The following BICDL1 variants were observed in gnomAD, a reference collection of about 807,000 sequenced individuals.
BICDL1 encodes the protein BICD family-like cargo adapter 1.
Under a neutral mutation model 76.8 loss-of-function variants are expected in BICDL1, and 20 were observed. The observed-to-expected ratio is 0.26, with a 90% confidence interval of 0.18 to 0.38. The LOEUF (loss-of-function observed/expected upper bound fraction) is 0.38. Ranked by LOEUF, BICDL1 falls within the 10% of genes least tolerant of loss-of-function variation. The probability of loss-of-function intolerance (pLI) is 1.00; values close to 1 mark genes in which losing one functional copy is unlikely to be tolerated. For synonymous variants in BICDL1, 383 were observed against 337.1 expected (o/e 1.14, Z -1.49); for missense variants, 700 against 798.6 (o/e 0.88, Z 1.49).
chr12:120,036,535 G>C (rs1242381665), intron 2 of BICDL1, among the ~76,000 whole-genome samples: 1 of 152,124 alleles, frequency 6.6e-6, no homozygotes, highest in East Asian at 1.9e-4. Flanking sequence ...TGTTCTTTTG[G>C]GTTTAGGTAG....
intron 2 of BICDL1, among the ~76,000 whole-genome samples, chr12:120,026,784 CTT>C (rs1260757846): frequency 6.6e-6 from 1 of 152,128 alleles, no homozygotes; most frequent in Non-Finnish European, 1.5e-5. Flanking sequence ...TTTTTGCTCT[CTT>C]TACTGCCTCT....
chr12:120,007,253 C>T (rs559714308), intron 2 of BICDL1, among the ~76,000 whole-genome samples: 2 of 152,204 alleles, frequency 1.3e-5, no homozygotes, highest in East Asian at 3.9e-4. Flanking sequence ...TTGAGATGCC[C>T]TTTACATATC....
rs185021900 is a variant in BICDL1, at chr12:119,993,573, C to G, written c.429+3276C>G. On this transcript the variant is annotated intron_variant, in intron 1 of 9. Coordinates refer to ENST00000548673, the MANE Select transcript of BICDL1 (RefSeq NM_001367886.1). ...CATTTTTTCCGCTCTTGAATTGACT[C>G]TGTATTTTGTTACTCATTCACTGAA... Among the ~76,000 whole-genome samples the G allele has an allele frequency of 2.7e-5, 4 of 150,436 alleles. No individual in the cohort carries two copies. In the East Asian group the frequency reaches 7.8e-4, roughly 29 times the overall value.
intron 9 of BICDL1, 34 bp downstream of exon 9, chr12:120,090,105 G>C (rs529666062): frequency 1.2e-6 from 2 of 1,609,446 alleles, no homozygotes; most frequent in Non-Finnish European, 1.7e-6. Context: ...GGCGAGAGGA[G>C]ACTCCAGGAG....
intron 2 of BICDL1, among the ~76,000 whole-genome samples, chr12:120,025,467 C>T (rs1952279240): frequency 1.3e-5 from 2 of 152,146 alleles, no homozygotes; most frequent in South Asian, 4.1e-4. Flanking sequence ...ATGGAGCCTG[C>T]CCCAGAACAT....
chr12:120,087,702 G>A (rs1687978654), intron 8 of BICDL1, among the ~76,000 whole-genome samples: 1 of 152,164 alleles, frequency 6.6e-6, no homozygotes, highest in African/African-American at 2.4e-5. Context: ...CTCTGCAGAG[G>A]TCCTTCCACC....
chr12:120,088,790 G>A (rs1291525327), intron 8 of BICDL1, among the ~76,000 whole-genome samples: 1 of 151,726 alleles, frequency 6.6e-6, no homozygotes, highest in Admixed American at 6.6e-5. Context: ...CCTCAGCCTC[G>A]CCAGTAGCTG....
intron 4 of BICDL1, among the ~76,000 whole-genome samples, chr12:120,066,334 A>G (rs189636734): frequency 6.6e-6 from 1 of 152,318 alleles, no homozygotes; most frequent in Non-Finnish European, 1.5e-5. Context: ...GACATACAGT[A>G]TGGGAGGAGA....
chr12:120,053,424 GC>G lies in BICDL1; in HGVS notation c.646-8283del, dbSNP rs370338176. Among the ~76,000 whole-genome samples the G allele has an allele frequency of 6.6e-3, 1,006 of 152,292 alleles. 10 individuals are homozygous for G. Among genetic ancestry groups the G allele is most frequent in the Non-Finnish European group, 9.0e-3 (611 of 67,996 alleles). The stretch of plus-strand genomic sequence containing the variant: ...TACATTTATCCTGTAAGGGAGAAGA[GC>G]CCTTTTCCCCGTTTGTTGATTGAAT... On this transcript the variant is annotated intron_variant, in intron 2 of 9. Transcript: ENST00000548673.
chr12:120,063,644 A>G (rs1273151226), intron 3 of BICDL1, among the ~76,000 whole-genome samples: 4 of 152,218 alleles, frequency 2.6e-5, no homozygotes, highest in African/African-American at 9.6e-5. Context: ...GCTGGACTAG[A>G]GAGCTTGGAG....
At chr12:120,017,186 G>C (rs535813071) in intron 2 of BICDL1, among the ~76,000 whole-genome samples, 10 of 152,218 alleles carry the variant, frequency 6.6e-5, no homozygotes, top group Admixed American at 1.3e-4. Flanking sequence ...GTGAGCCATC[G>C]TGCCCAGCCT....
At chr12:120,086,062 A>G (rs1051095370) in intron 8 of BICDL1, among the ~76,000 whole-genome samples, 5 of 151,832 alleles carry the variant, frequency 3.3e-5, no homozygotes, top group Non-Finnish European at 5.9e-5. Flanking sequence ...TCTACATGAA[A>G]CCTTGTAATG....
intron 1 of BICDL1, among the ~76,000 whole-genome samples, chr12:119,991,783 C>G (rs1951529373): frequency 6.6e-6 from 1 of 152,126 alleles, no homozygotes; most frequent in Non-Finnish European, 1.5e-5. Flanking sequence ...CATAGTAATC[C>G]TGAGTGTGCA....
chr12:120,080,801 C>T, intron 7 of BICDL1, 86 bp from the exon 8 acceptor site: 1 of 1,499,724 alleles, frequency 6.7e-7, no homozygotes, highest in Non-Finnish European at 9.1e-7. Context: ...CCTGGTCCTG[C>T]CTGGGGTCTC....
At chr12:120,008,445 C>T (rs544523268) in intron 2 of BICDL1, among the ~76,000 whole-genome samples, 33 of 152,300 alleles carry the variant, frequency 2.2e-4, no homozygotes, top group Admixed American at 3.3e-4. Context: ...AGGCGTGAGC[C>T]ACTGTGCCCA....
At chr12:119,994,795 C>T (rs1023365951) in intron 1 of BICDL1, among the ~76,000 whole-genome samples, 7 of 152,088 alleles carry the variant, frequency 4.6e-5, no homozygotes, top group Non-Finnish European at 8.8e-5. Flanking sequence ...GCCATAGACT[C>T]TATTTTTTAA....
At chr12:120,064,929 G>A (rs1953188385) in intron 4 of BICDL1, 50 bp downstream of exon 4, 1 of 1,540,886 alleles carries the variant, frequency 6.5e-7, no homozygotes, top group Non-Finnish European at 8.7e-7. Context: ...GATAAAAGGA[G>A]CACTTAGCCA....
intron 2 of BICDL1, among the ~76,000 whole-genome samples, chr12:120,013,437 A>AGTGT (rs1491225656): frequency 3.4e-5 from 4 of 117,824 alleles, no homozygotes; most frequent in Non-Finnish European, 7.0e-5. Flanking sequence ...GTCTTTAACC[A>AGTGT]GAGTGTGTGT....
rs546543890 is a variant in BICDL1, at chr12:120,035,760, A to G, written c.646-25950A>G. Among the ~76,000 whole-genome samples the G allele has an allele frequency of 2.0e-5, 3 of 152,362 alleles. No homozygotes were observed. In the South Asian group the frequency reaches 6.2e-4, roughly 32 times the overall value. ...ACCTTTGTAACCACCACACAGGTTA[A>G]GAAATAGTGTTGCCAGCACAACTCT... On this transcript the variant is annotated intron_variant, in intron 2 of 9. Coordinates refer to ENST00000548673, the MANE Select transcript of BICDL1 (RefSeq NM_001367886.1).
Sources: allele counts gnomAD v4.1 joint callset (sites outside exome capture counted in the v4.1 genomes callset), GRCh38; gene constraint gnomAD v4.1.1; transcripts MANE v1.5; gene names NCBI Gene and HGNC (gene_info 2026-07-23, HGNC 2026-07-21).